Variants in NEBL observed in about 807,000 individuals in gnomAD.
NEBL encodes the protein LIM and SH3 protein 2.
Under a neutral mutation model 140.2 loss-of-function variants are expected in NEBL, and 122 were observed. That is an observed-to-expected ratio of 0.87 (90% CI 0.75 to 1.01). The LOEUF (loss-of-function observed/expected upper bound fraction) is 1.01, where lower values mean the gene tolerates loss of function less well. Ranked by LOEUF, NEBL falls within the 50% of genes least tolerant of loss-of-function variation. The pLI is 0.00. For missense variants in NEBL, 1,365 were observed against 1,231.3 expected, an observed-to-expected ratio of 1.11 and a Z score of -1.62; for synonymous variants, 436 against 398.9, an observed-to-expected ratio of 1.09 and a Z score of -1.11.
chr10:20,957,488 G>A (rs931609769), intron 4 of NEBL, among the ~76,000 whole-genome samples: 2 of 152,042 alleles, frequency 1.3e-5, no homozygotes, highest in African/African-American at 4.8e-5. Flanking sequence ...TGGGAAAGCG[G>A]ACAGATAATT....
At chr10:20,958,059 C>T (rs1215091403) in intron 4 of NEBL, among the ~76,000 whole-genome samples, 1 of 152,136 alleles carries the variant, frequency 6.6e-6, no homozygotes, top group Non-Finnish European at 1.5e-5. Flanking sequence ...GCTGCAGGTA[C>T]CCTGAATGCA....
At chr10:21,220,223 A>G (rs768459855) in intron 3 of NEBL, among the ~76,000 whole-genome samples, 3 of 152,122 alleles carry the variant, frequency 2.0e-5, no homozygotes, top group Non-Finnish European at 2.9e-5. Flanking sequence ...TGATTTTTGT[A>G]TGTTGATTTT....
At chr10:21,190,059 C>G (rs1841547089) in intron 3 of NEBL, among the ~76,000 whole-genome samples, 1 of 152,146 alleles carries the variant, frequency 6.6e-6, no homozygotes, top group Non-Finnish European at 1.5e-5. Flanking sequence ...TCGGTCTCCC[C>G]TAATAAATTA....
At chr10:21,051,194 A>C (rs1834765420) in intron 2 of NEBL, among the ~76,000 whole-genome samples, 1 of 152,230 alleles carries the variant, frequency 6.6e-6, no homozygotes, top group African/African-American at 2.4e-5. Flanking sequence ...TTACACAAGA[A>C]GCCAATCAGA....
At position 20,784,074 on chromosome 10, in the gene NEBL, C is replaced by A. The variant is rs1835200146; in HGVS notation, c.*1673G>T. The A allele has an allele frequency of 6.6e-6, 1 of 152,160 alleles. No homozygotes were observed. Among genetic ancestry groups the A allele is most frequent in the Non-Finnish European group, 1.5e-5 (1 of 68,022 alleles). 9.4% of individuals were successfully genotyped at this position (152,160 alleles called of 1,614,324 possible). A position where few individuals can be genotyped will look rare whatever the true frequency, so the allele number is the denominator to read the frequency against. On this transcript the variant is annotated 3_prime_UTR_variant, in exon 28 of 28. Coordinates refer to ENST00000377122, the MANE Select transcript of NEBL (RefSeq NM_006393.3). ...TAGCTTTGGCCTTTGGACTAGTAAA[C>A]GTTTCCTTAAACGATGTTTTACAGG...
rs116983900 is a variant in NEBL at position 20,817,108 on chromosome 10, G to A, written c.2148+492C>T. 1.7e-4 allele frequency among the ~76,000 whole-genome samples: 26 copies of A among 152,202 alleles called. No homozygotes were observed. In the East Asian group the frequency reaches 2.3e-3, roughly 14 times the overall value. ...CTGTCAAAAAAAGTCACCCAGGCCC[G>A]GTGGCACACATCTGTAATCCCAGCA... On this transcript the variant is annotated intron_variant, in intron 21 of 27. Coordinates refer to ENST00000377122, the MANE Select transcript of NEBL (RefSeq NM_006393.3).
chr10:20,852,075 G>A (rs1842597041), intron 10 of NEBL, among the ~76,000 whole-genome samples: 1 of 151,350 alleles, frequency 6.6e-6, no homozygotes, highest in African/African-American at 2.4e-5. Flanking sequence ...TTATTCAGGG[G>A]GTACCTAGAA....
At chr10:20,975,712 C>T (rs1384985689) in intron 3 of NEBL, among the ~76,000 whole-genome samples, 2 of 152,184 alleles carry the variant, frequency 1.3e-5, no homozygotes, top group African/African-American at 2.4e-5. Flanking sequence ...CTGCCTCCAA[C>T]TCCAGCATCT....
intron 3 of NEBL, among the ~76,000 whole-genome samples, chr10:21,246,049 T>G (rs1337654872): frequency 1.3e-5 from 2 of 152,212 alleles, no homozygotes; most frequent in Non-Finnish European, 2.9e-5. Flanking sequence ...CAGAGCTACA[T>G]TCACTTCATC....
At chr10:20,933,784 C>A (rs183680631) in intron 4 of NEBL, among the ~76,000 whole-genome samples, 1 of 152,058 alleles carries the variant, frequency 6.6e-6, no homozygotes, top group African/African-American at 2.4e-5. Context: ...TAAAGCCTCA[C>A]GGTTTGGTGA....
intron 2 of NEBL, among the ~76,000 whole-genome samples, chr10:21,043,583 C>T (rs1279480425): frequency 1.3e-5 from 2 of 152,148 alleles, no homozygotes; most frequent in African/African-American, 4.8e-5. Flanking sequence ...CTCTTTTTAA[C>T]TTATTTATAA....
At chr10:21,167,719 G>A (rs531686548) in intron 2 of NEBL, among the ~76,000 whole-genome samples, 1 of 152,310 alleles carries the variant, frequency 6.6e-6, no homozygotes, top group South Asian at 2.1e-4. Context: ...GGCTTGCTGG[G>A]TAGCAAAATG....
rs181315425 is a variant in NEBL, at chr10:20,914,538, G to A, written c.357+47134C>T. On this transcript the variant is annotated intron_variant, in intron 4 of 6. Transcript: ENST00000417816. ...ATAAAGCGAATTGTTTAATAATATT[G>A]TTCAATGCTTTCCTTGGTTATTGCT... Among the ~76,000 whole-genome samples the A allele has an allele frequency of 1.5e-4, 23 of 152,210 alleles. No individual in the cohort carries two copies. The East Asian group carries it at 3.5e-3, about 23-fold the overall frequency.
At chr10:21,256,770 T>A (rs568914019) in intron 1 of NEBL, among the ~76,000 whole-genome samples, 1 of 152,296 alleles carries the variant, frequency 6.6e-6, no homozygotes, top group East Asian at 1.9e-4. Context: ...GCCCAGGAGT[T>A]CCAGGCTGTA....
intron 4 of NEBL, among the ~76,000 whole-genome samples, chr10:20,952,904 CAAA>C (rs34713711): frequency 4.8e-5 from 3 of 62,328 alleles, no homozygotes; most frequent in South Asian, 7.5e-4. Flanking sequence ...GACCCTGTCT[CAAA>C]AAAAAAAAAA....
At chr10:21,116,981 G>T (rs549646604) in intron 2 of NEBL, among the ~76,000 whole-genome samples, 4 of 151,966 alleles carry the variant, frequency 2.6e-5, no homozygotes, top group Non-Finnish European at 4.4e-5. Flanking sequence ...CTGAATGACC[G>T]GTAATTTTTA....
intron 2 of NEBL, among the ~76,000 whole-genome samples, chr10:21,143,121 G>A (rs78867193): frequency 0.014 from 2,154 of 152,166 alleles, 46 homozygotes; most frequent in African/African-American, 0.049. Context: ...AGAAAAAGAG[G>A]AGTTTTCATA....
At chr10:21,257,090 T>C (rs1842667285) in intron 1 of NEBL, among the ~76,000 whole-genome samples, 1 of 152,212 alleles carries the variant, frequency 6.6e-6, no homozygotes, top group Non-Finnish European at 1.5e-5. Context: ...TTGCTAAACA[T>C]TTATCAGCAT....
At chr10:21,288,390 C>A (rs1172835344) in intron 1 of NEBL, among the ~76,000 whole-genome samples, 1 of 152,068 alleles carries the variant, frequency 6.6e-6, no homozygotes, top group Non-Finnish European at 1.5e-5. Flanking sequence ...ATCACTTGAA[C>A]CCAGGAGTCA....
Sources: allele counts gnomAD v4.1 joint callset (sites outside exome capture counted in the v4.1 genomes callset), GRCh38; gene constraint gnomAD v4.1.1; transcripts MANE v1.5; gene names NCBI Gene and HGNC (gene_info 2026-07-23, HGNC 2026-07-21).